Variants in COL25A1 observed in about 807,000 individuals in gnomAD.
The protein encoded by COL25A1 is collagen type XXV alpha 1 chain, also known as collagen alpha-1(XXV) chain.
COL25A1 carries 103 observed loss-of-function variants against 128.4 expected under a neutral mutation model. The observed-to-expected ratio is 0.80, with a 90% CI of 0.68 to 0.94. COL25A1 has a LOEUF of 0.94. Ranked by LOEUF, COL25A1 falls within the 40% of genes least tolerant of loss-of-function variation. The pLI is 0.00. For synonymous variants in COL25A1, 279 were observed against 277.2 expected, an observed-to-expected ratio of 1.01 and a Z score of -0.06; for missense variants, 745 against 840.0, an observed-to-expected ratio of 0.89 and a Z score of 1.40.
At chr4:108,985,442 T>C (rs1316520078) in intron 6 of COL25A1, among the ~76,000 whole-genome samples, 9 of 152,172 alleles carry the variant, frequency 5.9e-5, no homozygotes, top group African/African-American at 1.9e-4. Context: ...CCTAAGTAGA[T>C]TGGGCATAGA....
chr4:108,896,595 C>T, intron 16 of COL25A1, 72 bp downstream of exon 16: 2 of 1,287,460 alleles, frequency 1.6e-6, no homozygotes, highest in Admixed American at 1.7e-5. Flanking sequence ...CTCTAAAAAT[C>T]CCCCATCTTC....
chr4:108,972,197 G>A (rs745642412), intron 8 of COL25A1, among the ~76,000 whole-genome samples: 65 of 152,082 alleles, frequency 4.3e-4, no homozygotes, highest in Non-Finnish European at 8.4e-4. Flanking sequence ...ATAAACTATT[G>A]GAAACAAATG....
chr4:109,224,412 CG>C (rs1778640016), intron 3 of COL25A1, among the ~76,000 whole-genome samples: 1 of 151,996 alleles, frequency 6.6e-6, no homozygotes, highest in African/African-American at 2.4e-5. Context: ...CTTCTAAGTT[CG>C]GGCATATATG....
chr4:108,934,697 G>A (rs1747199631), intron 11 of COL25A1, among the ~76,000 whole-genome samples: 1 of 152,170 alleles, frequency 6.6e-6, no homozygotes, highest in African/African-American at 2.4e-5. Flanking sequence ...TCAGTTTGCT[G>A]AGGAGAAGAA....
intron 5 of COL25A1, among the ~76,000 whole-genome samples, chr4:109,013,528 TGCTGCTGC>T (rs1333976556): frequency 3.9e-5 from 3 of 76,450 alleles, no homozygotes; most frequent in African/African-American, 9.4e-5. Context: ...CAATAAATCT[TGCTGCTGC>T]TCACTCTTTG....
chr4:109,110,093 A>T lies in COL25A1; in HGVS notation c.368-59914T>A, dbSNP rs182766387. Among the ~76,000 whole-genome samples, 159 of 152,182 alleles carry T rather than the reference A, an allele frequency of 1.0e-3. 2 individuals carry two copies. The highest frequency in any genetic ancestry group is 3.2e-3 in the African/African-American group (135 of 41,548). Reference sequence around the variant, plus strand: ...AGAGGTCCGGGATTCTTTGTGTTTCATTCTGTATGGTTTCAGTCTACATCT... The same window carrying T: ...AGAGGTCCGGGATTCTTTGTGTTTCTTTCTGTATGGTTTCAGTCTACATCT... On this transcript the variant is annotated intron_variant, in intron 3 of 37. Transcript: ENST00000399132.
At chr4:109,211,167 CTAAAA>C (rs1777471012) in intron 3 of COL25A1, among the ~76,000 whole-genome samples, 1 of 147,392 alleles carries the variant, frequency 6.8e-6, no homozygotes, top group South Asian at 2.2e-4. Flanking sequence ...GCATATGAAC[CTAAAA>C]TAAAAGTTGA....
chr4:109,107,640 A>C (rs1359671375), intron 3 of COL25A1, among the ~76,000 whole-genome samples: 3 of 152,316 alleles, frequency 2.0e-5, no homozygotes, highest in Non-Finnish European at 4.4e-5. Context: ...TCATCATGTG[A>C]TTTTACATAA....
intron 3 of COL25A1, among the ~76,000 whole-genome samples, chr4:109,174,835 A>C (rs1229524322): frequency 2.0e-5 from 3 of 152,190 alleles, no homozygotes; most frequent in African/African-American, 7.2e-5. Flanking sequence ...GCAGACTACT[A>C]CTGGTCCATG....
At chr4:109,282,012 T>C (rs1257908743) in intron 3 of COL25A1, among the ~76,000 whole-genome samples, 1 of 152,174 alleles carries the variant, frequency 6.6e-6, no homozygotes, top group East Asian at 1.9e-4. Flanking sequence ...TAAATTCTCC[T>C]AGCTGAGCCT....
intron 3 of COL25A1, among the ~76,000 whole-genome samples, chr4:109,251,107 TAATAAGGG>T (rs1302786114): frequency 2.0e-5 from 3 of 152,212 alleles, no homozygotes; most frequent in Non-Finnish European, 4.4e-5. Context: ...TTATGTTACA[TAATAAGGG>T]AATAAGGGAA....
chr4:108,989,159 G>A (rs1169106354), intron 6 of COL25A1, among the ~76,000 whole-genome samples: 1 of 152,208 alleles, frequency 6.6e-6, no homozygotes, highest in East Asian at 1.9e-4. Context: ...ATTGGGACTG[G>A]ATCAGTTAGA....
intron 3 of COL25A1, among the ~76,000 whole-genome samples, chr4:109,061,310 T>C (rs775073885): frequency 3.9e-5 from 6 of 152,238 alleles, no homozygotes; most frequent in Admixed American, 6.5e-5. Context: ...CTTGTTGTGA[T>C]AGAAATTCTG....
At chr4:109,085,084 TC>T (rs2125999909) in intron 3 of COL25A1, among the ~76,000 whole-genome samples, 1 of 152,284 alleles carries the variant, frequency 6.6e-6, no homozygotes, top group Non-Finnish European at 1.5e-5. Flanking sequence ...TGATCCTGGT[TC>T]TCATGCACTC....
At chr4:109,233,842 G>T (rs1393680838) in intron 3 of COL25A1, among the ~76,000 whole-genome samples, 1 of 152,040 alleles carries the variant, frequency 6.6e-6, no homozygotes, top group Non-Finnish European at 1.5e-5. Context: ...TGCTTGATAG[G>T]TACAACTCTG....
At chr4:109,048,397 A>G (rs981769517) in intron 4 of COL25A1, among the ~76,000 whole-genome samples, 17 of 152,222 alleles carry the variant, frequency 1.1e-4, no homozygotes, top group African/African-American at 4.1e-4. Context: ...TAAAATTTCA[A>G]GTAATTTTTA....
At chr4:108,903,052 A>G (rs2125868352) in intron 13 of COL25A1, among the ~76,000 whole-genome samples, 1 of 152,074 alleles carries the variant, frequency 6.6e-6, no homozygotes, top group South Asian at 2.1e-4. Flanking sequence ...CATGGTAGCC[A>G]GAGTTTTTTA....
In COL25A1 at chr4:108,896,649, T is replaced by G; in HGVS notation, c.906+18A>C. ...TCTTGCTCACATATGTACCCTTTCA[T>G]GTCTTACAAAACTGTACCTTTTCGC... On this transcript the variant is annotated intron_variant, in intron 16 of 37. Transcript: ENST00000399132. 6.2e-7 allele frequency: 1 copy of G among 1,612,600 alleles called. No individual in the cohort carries two copies. Among genetic ancestry groups the G allele is most frequent in the Admixed American group, 1.7e-5 (1 of 60,014 alleles).
intron 3 of COL25A1, among the ~76,000 whole-genome samples, chr4:109,173,469 A>G (rs1773782842): frequency 6.6e-6 from 1 of 152,200 alleles, no homozygotes; most frequent in African/African-American, 2.4e-5. Context: ...AGTATATTAA[A>G]TTGCATTGCA....
Sources: gnomAD v4.1 joint callset for allele counts (sites outside exome capture counted in the v4.1 genomes callset) on GRCh38, gnomAD v4.1.1 for gene constraint, MANE v1.5 for transcripts, NCBI Gene and HGNC (gene_info 2026-07-23, HGNC 2026-07-21) for gene names.